Variants in BCL2L1 observed in about 807,000 individuals in gnomAD.
BCL2L1 encodes bcl-2-like protein 1.
A neutral mutation model predicts 18.7 loss-of-function variants in BCL2L1; 1 was observed. The observed-to-expected ratio is 0.05, with a 90% confidence interval of 0.02 to 0.25. BCL2L1 has a LOEUF of 0.25. Ranked by LOEUF, BCL2L1 falls within the 10% of genes least tolerant of loss-of-function variation. BCL2L1 has a pLI of 1.00. For missense variants in BCL2L1, 207 were observed against 304.9 expected (o/e 0.68, Z 2.39); for synonymous variants, 103 against 122.7 (o/e 0.84, Z 1.06).
chr20:31,715,493 T>C (rs1163830394), intron 2 of BCL2L1, among the ~76,000 whole-genome samples: 1 of 152,062 alleles, frequency 6.6e-6, no homozygotes, highest in East Asian at 1.9e-4. Context: ...CCTGAGTCCA[T>C]TCCCTCTGCT....
chr20:31,710,462 C>T lies in BCL2L1; in HGVS notation c.564+11193G>A, dbSNP rs529240551. On this transcript the variant is annotated intron_variant, in intron 2 of 2. Transcript: ENST00000307677. ...CCTCAGTGGAAATTGTACAAAGCTA[C>T]GGTGCTGAGAAAGCTATGATTATTT... Among the ~76,000 whole-genome samples, 17 of 152,328 alleles carry T rather than the reference C, an allele frequency of 1.1e-4. No homozygotes were observed. In the South Asian group the frequency reaches 2.1e-3, roughly 19 times the overall value.
chr20:31,721,432 T>C (rs1004973591), intron 2 of BCL2L1: 2 of 563,860 alleles, frequency 3.5e-6, no homozygotes, highest in African/African-American at 2.0e-5. Context: ...AGTGGAGTCA[T>C]GGGGGTGACC....
intron 2 of BCL2L1, chr20:31,720,486 G>C: frequency 8.3e-6 from 8 of 964,214 alleles, no homozygotes; most frequent in Non-Finnish European, 9.9e-6. Context: ...CAAGAAAACA[G>C]GACTGAATTC....
intron 2 of BCL2L1, 97 bp from the exon 3 acceptor site, chr20:31,666,183 G>A (rs1166648892): frequency 6.8e-7 from 1 of 1,475,348 alleles, no homozygotes; most frequent in Non-Finnish European, 9.3e-7. Flanking sequence ...CCTTGGTGAT[G>A]TGAAAAACTG....
intron 2 of BCL2L1, among the ~76,000 whole-genome samples, chr20:31,707,291 T>C (rs1039612305): frequency 1.3e-4 from 20 of 152,210 alleles, no homozygotes; most frequent in Non-Finnish European, 2.6e-4. Context: ...CCACATATTC[T>C]GTCAGCCTGA....
At chr20:31,697,979 C>T (rs1159165615) in intron 2 of BCL2L1, among the ~76,000 whole-genome samples, 1 of 148,874 alleles carries the variant, frequency 6.7e-6, no homozygotes, top group Non-Finnish European at 1.5e-5. Context: ...TCTCCACCTC[C>T]CGGGCTCAAG....
chr20:31,722,060 G>C lies in BCL2L1; in HGVS notation c.159C>G (p.Gly53=). 3 of 1,602,606 alleles carry C rather than the reference G, an allele frequency of 1.9e-6. No individual in the cohort carries two copies. Among genetic ancestry groups the C allele is most frequent in the Non-Finnish European group, 2.6e-6 (3 of 1,173,762 alleles). The part of the protein sequence containing the change: ...SEMETPSAIN[G]NPSWHLADSP... ...TGTCTGCCAGGTGCCAGGATGGGTT[G>C]CCATTGATGGCACTGGGGGTCTCCA... is the stretch of plus-strand genomic sequence containing the variant. The change falls in exon 2 of 3, where the codon GGC becomes GGG. Residue 53 remains glycine (G), a synonymous_variant. Coordinates refer to ENST00000307677, the MANE Select transcript of BCL2L1 (RefSeq NM_138578.3).
intron 2 of BCL2L1, among the ~76,000 whole-genome samples, chr20:31,670,677 C>A (rs6119650): frequency 0.36 from 54,405 of 152,076 alleles, 11,464 homozygotes; most frequent in African/African-American, 0.57. Context: ...ATTTCAGCTT[C>A]TTTTCCTGGG....
chr20:31,705,272 T>C (rs2061354056), intron 2 of BCL2L1, among the ~76,000 whole-genome samples: 1 of 152,210 alleles, frequency 6.6e-6, no homozygotes, highest in Non-Finnish European at 1.5e-5. Flanking sequence ...TTGTTAAATA[T>C]TACTAAAATT....
intron 2 of BCL2L1, among the ~76,000 whole-genome samples, chr20:31,693,733 A>G (rs1024638995): frequency 6.6e-6 from 1 of 151,990 alleles, no homozygotes; most frequent in African/African-American, 2.4e-5. Context: ...TGGTGGTCTC[A>G]CTATGTTGCC....
At chr20:31,677,839 T>C (rs2060788623) in intron 2 of BCL2L1, among the ~76,000 whole-genome samples, 1 of 152,168 alleles carries the variant, frequency 6.6e-6, no homozygotes, top group South Asian at 2.1e-4. Context: ...TCTTCCCCCA[T>C]CTGACCATGG....
chr20:31,696,609 C>T (rs1224051166), intron 2 of BCL2L1, among the ~76,000 whole-genome samples: 1 of 152,142 alleles, frequency 6.6e-6, no homozygotes, highest in Non-Finnish European at 1.5e-5. Context: ...CATTTATTCT[C>T]ATGAATAAAG....
chr20:31,665,800 G>C lies in BCL2L1; in HGVS notation c.*149C>G. ...TGTGATAAATTCTAGAAAACTAGCT[G>C]CAAGGGACCAGATCTGGGCCCAACC... On this transcript the variant is annotated 3_prime_UTR_variant, in exon 3 of 3. Transcript: ENST00000307677. The C allele has an allele frequency of 9.7e-7, 1 of 1,029,200 alleles. No individual in the cohort carries two copies. The highest frequency in any genetic ancestry group is 1.4e-6 in the Non-Finnish European group (1 of 716,422). 63.8% of individuals were successfully genotyped at this position (1,029,200 alleles called of 1,614,324 possible). A position where few individuals can be genotyped will look rare whatever the true frequency, so the allele number is the denominator to read the frequency against.
chr20:31,723,682 A>G, upstream of BCL2L1: 1 of 985,518 alleles, frequency 1.0e-6, no homozygotes, highest in African/African-American at 1.7e-5. Flanking sequence ...GGGACGGCGA[A>G]GGCTCCTATT....
At position 31,664,750 on chromosome 20, in the gene BCL2L1, A is replaced by T. The variant is rs1393578586; in HGVS notation, c.*1199T>A. On this transcript the variant is annotated 3_prime_UTR_variant, in exon 3 of 3. Transcript: ENST00000307677. Reference sequence around the variant, plus strand: ...ATCATCTTCACAAGGAATAAAAACTAGTCTCAAATATGTACAGCAGAGAGC... The same window carrying T: ...ATCATCTTCACAAGGAATAAAAACTTGTCTCAAATATGTACAGCAGAGAGC... 1 of 220,350 alleles carries T rather than the reference A, an allele frequency of 4.5e-6. No homozygotes were observed. Among genetic ancestry groups the T allele is most frequent in the Admixed American group, 5.8e-5 (1 of 17,346 alleles). The allele number at this position is 220,350 out of a possible 1,614,324, so 13.6% of individuals were successfully genotyped here.
At chr20:31,691,999 TC>T (rs2061083296) in intron 2 of BCL2L1, among the ~76,000 whole-genome samples, 1 of 152,266 alleles carries the variant, frequency 6.6e-6, no homozygotes, top group African/African-American at 2.4e-5. Context: ...TACCTTCTGA[TC>T]AAGCAATTCC....
intron 2 of BCL2L1, among the ~76,000 whole-genome samples, chr20:31,718,579 C>T (rs1259568433): frequency 1.3e-5 from 2 of 150,734 alleles, no homozygotes; most frequent in African/African-American, 4.9e-5. Context: ...CACTTGAACC[C>T]GGGAGGCAGA....
chr20:31,722,534 C>G, intron 1 of BCL2L1, 84 bp downstream of exon 1: 1 of 219,914 alleles, frequency 4.5e-6, no homozygotes, highest in Non-Finnish European at 8.9e-6. Context: ...TTTTCTACCC[C>G]CGTCTTCTCC....
intron 2 of BCL2L1, among the ~76,000 whole-genome samples, chr20:31,702,491 C>T (rs1037252257): frequency 3.9e-5 from 6 of 151,936 alleles, no homozygotes; most frequent in Middle Eastern, 3.2e-3. Flanking sequence ...ATTAGCTGGG[C>T]GTGATGGCAG....
Sources: allele counts gnomAD v4.1 joint callset (sites outside exome capture counted in the v4.1 genomes callset), GRCh38; gene constraint gnomAD v4.1.1; transcripts MANE v1.5; gene names NCBI Gene and HGNC (gene_info 2026-07-23, HGNC 2026-07-21).